EIF2AK2: variants seen among roughly 807,000 people sequenced by gnomAD.
The protein encoded by EIF2AK2 is interferon-induced, double-stranded RNA-activated protein kinase.
A neutral mutation model predicts 70.5 loss-of-function variants in EIF2AK2; 40 were observed. That is an observed-to-expected ratio of 0.57 (90% CI 0.44 to 0.74). The LOEUF (loss-of-function observed/expected upper bound fraction) is 0.74. Ranked by LOEUF, EIF2AK2 falls within the 30% of genes least tolerant of loss-of-function variation. EIF2AK2 has a pLI of 0.00. For synonymous variants in EIF2AK2, 198 were observed against 220.9 expected (o/e 0.90, Z 0.92); for missense variants, 555 against 644.3 (o/e 0.86, Z 1.50).
intron 1 of EIF2AK2, among the ~76,000 whole-genome samples, chr2:37,152,580 C>T (rs146364771): frequency 5.3e-5 from 8 of 152,134 alleles, no homozygotes; most frequent in African/African-American, 2.4e-5. Flanking sequence ...CACGCCTGGC[C>T]GGGCCACTCT....
intron 14 of EIF2AK2, among the ~76,000 whole-genome samples, chr2:37,111,818 G>A (rs1342163377): frequency 7.6e-6 from 1 of 130,982 alleles, no homozygotes; most frequent in African/African-American, 2.9e-5. Context: ...AGCTATGATT[G>A]TGCCACTGTA....
rs984953208 is a variant in EIF2AK2 at position 37,123,402 on chromosome 2, G to A, written c.909-738C>T. ...CCACCTCAGTCTCCTGAGTAGCTGG[G>A]ACCACAGGAGCACACCACCACACCC... On this transcript the variant is annotated intron_variant, in intron 11 of 16. Coordinates refer to ENST00000233057, the MANE Select transcript of EIF2AK2 (RefSeq NM_001135651.3). 5.1e-4 allele frequency among the ~76,000 whole-genome samples: 77 copies of A among 151,750 alleles called. 1 individual carries two copies. Among genetic ancestry groups the A allele is most frequent in the Admixed American group, 1.3e-4 (2 of 15,228 alleles).
intron 10 of EIF2AK2, among the ~76,000 whole-genome samples, chr2:37,126,967 G>GAACAAAAAAAAAAAAAAA (rs1674753952): frequency 1.9e-5 from 1 of 52,158 alleles, no homozygotes; most frequent in Non-Finnish European, 3.4e-5. Context: ...CAAAAAAACA[G>GAACAAAAAAAAAAAAAAA]AAAAAAAAAA....
chr2:37,120,530 A>G (rs1674506285), intron 12 of EIF2AK2, among the ~76,000 whole-genome samples: 1 of 140,526 alleles, frequency 7.1e-6, no homozygotes, highest in African/African-American at 2.5e-5. Flanking sequence ...AAAAAAGAAA[A>G]AAAAAGAACC....
intron 11 of EIF2AK2, among the ~76,000 whole-genome samples, chr2:37,125,745 A>G (rs1558416524): frequency 6.6e-6 from 1 of 152,376 alleles, no homozygotes; most frequent in East Asian, 1.9e-4. Flanking sequence ...GATGAGCACA[A>G]TCAACCCATG....
intron 4 of EIF2AK2, among the ~76,000 whole-genome samples, chr2:37,144,174 A>AGCACAATG (rs1675439987): frequency 2.0e-5 from 3 of 152,216 alleles, no homozygotes; most frequent in Admixed American, 2.0e-4. Context: ...CCTGGGTTAC[A>AGCACAATG]GCACAATGCA....
chr2:37,126,223 T>C (rs925147607), intron 11 of EIF2AK2, 66 bp downstream of exon 11: 45 of 1,481,816 alleles, frequency 3.0e-5, no homozygotes, highest in Non-Finnish European at 5.4e-6. Context: ...GAGAGAAGCA[T>C]AAAAAAGAAT....
chr2:37,126,442 A>G (rs567555434), intron 10 of EIF2AK2, 31 bp from the exon 11 acceptor site: 2 of 1,595,728 alleles, frequency 1.3e-6, no homozygotes, highest in Middle Eastern at 1.7e-4. Context: ...TTATTTTGAC[A>G]TTTCATGCTC....
In EIF2AK2 at chr2:37,153,110, C is replaced by T. The variant is rs141434241; in HGVS notation, c.-184+3798G>A. 6.2e-5 allele frequency among the ~76,000 whole-genome samples: 9 copies of T among 145,664 alleles called. No homozygotes were observed. The East Asian group carries it at 2.0e-3, about 32-fold the overall frequency. On this transcript the variant is annotated intron_variant, in intron 1 of 16. Coordinates refer to ENST00000233057, the MANE Select transcript of EIF2AK2 (RefSeq NM_001135651.3). ...CAGCTACTTCAATTCCTTCTCTACC[C>T]TGCAACCATTGTGATTTTTTTTTTT...
intron 1 of EIF2AK2, 129 bp from the exon 2 acceptor site, chr2:37,149,152 C>A: frequency 1.0e-6 from 1 of 966,488 alleles, no homozygotes; most frequent in Non-Finnish European, 1.7e-6. Flanking sequence ...GACCTCGATG[C>A]CTCGATGAAG....
chr2:37,145,143 T>G (rs1346372604), intron 4 of EIF2AK2, among the ~76,000 whole-genome samples: 1 of 144,340 alleles, frequency 6.9e-6, no homozygotes, highest in Non-Finnish European at 1.5e-5. Flanking sequence ...TTTTGTGGGT[T>G]TTTTTTTTTT....
At position 37,141,573 on chromosome 2, in the gene EIF2AK2, C is replaced by T. The variant is rs140698756; in HGVS notation, c.369G>A (p.Ser123=). 3.3e-5 allele frequency: 53 copies of T among 1,613,690 alleles called. No individual in the cohort carries two copies. The highest frequency in any genetic ancestry group is 5.3e-5 in the African/African-American group (4 of 74,892). ...RLTVNYEQCA[S]GVHGPEGFHY... ...CTTACCCTTCTGGCCCATGCACCCC[C>T]GATGCACACTGTTCATAATTTACAG... Residue 123 remains serine (S), a synonymous_variant, in exon 5 of 17, where the codon TCG becomes TCA. Coordinates refer to ENST00000233057, the MANE Select transcript of EIF2AK2 (RefSeq NM_001135651.3).
intron 4 of EIF2AK2, among the ~76,000 whole-genome samples, chr2:37,144,462 T>C (rs1303473618): frequency 1.3e-5 from 2 of 152,094 alleles, no homozygotes; most frequent in African/African-American, 4.8e-5. Flanking sequence ...CACCTCCATG[T>C]ATGTTATTGC....
Position 37,138,597 on chromosome 2 carries a change from A to T in EIF2AK2, c.517-12T>A, listed in dbSNP as rs759581351. ...AGGTAGTCAGATTTCTGAAAGAAAA[A>T]GTATCCCTTAGTAGGCTTAAATACA... On this transcript the variant is annotated splice_polypyrimidine_tract_variant and intron_variant, in intron 6 of 16. Coordinates refer to ENST00000233057, the MANE Select transcript of EIF2AK2 (RefSeq NM_001135651.3). 1.2e-6 allele frequency: 2 copies of T among 1,612,746 alleles called. No homozygotes were observed. Among genetic ancestry groups the T allele is most frequent in the South Asian group, 2.2e-5 (2 of 91,022 alleles).
chr2:37,108,833 G>C (rs1346422134), intron 15 of EIF2AK2, among the ~76,000 whole-genome samples: 2 of 152,182 alleles, frequency 1.3e-5, no homozygotes, highest in Non-Finnish European at 2.9e-5. Context: ...GCCTCTCAAA[G>C]CTGGGATTAC....
At chr2:37,155,050 G>C (rs1675877387) in intron 1 of EIF2AK2, among the ~76,000 whole-genome samples, 3 of 151,750 alleles carry the variant, frequency 2.0e-5, no homozygotes, top group Admixed American at 6.6e-5. Flanking sequence ...CACTCCCCTG[G>C]TGATCACCTC....
chr2:37,141,671 T>A lies in EIF2AK2; in HGVS notation c.271A>T (p.Asn91Tyr). 6.2e-7 allele frequency: 1 copy of A among 1,613,514 alleles called. No individual in the cohort carries two copies. The highest frequency in any genetic ancestry group is 1.7e-5 in the Admixed American group (1 of 59,896). The change falls in exon 5 of 17, where the codon AAT becomes TAT. Residue 91 changes from asparagine to tyrosine, a missense_variant. Asn to Tyr is a moderately radical substitution (Grantham distance 143). Transcript: ENST00000233057. ...AVSPLLLTTT[N>Y]SSEGLSMGNY... ...CCCATGGATAATCCTTCTGAAGAATTCGTTGTTGTCAATAATAAAGGACTA... is the reference window on the plus strand; with the variant it reads ...CCCATGGATAATCCTTCTGAAGAATACGTTGTTGTCAATAATAAAGGACTA...
intron 5 of EIF2AK2, among the ~76,000 whole-genome samples, chr2:37,140,935 G>C (rs1368912081): frequency 6.6e-6 from 1 of 151,982 alleles, no homozygotes; most frequent in African/African-American, 2.4e-5. Flanking sequence ...ATACTCATTT[G>C]ATTTCTGCTT....
rs937469615 is a variant in EIF2AK2 at position 37,100,543 on chromosome 2, A to G, written c.*6730T>C. On this transcript the variant is annotated 3_prime_UTR_variant, in exon 17 of 17. Transcript: ENST00000233057. ...CTAGTTATTTAGAATTTAAGCCAAT[A>G]ATGTCACCATATAACTATCAACTGT... 2.0e-5 allele frequency: 3 copies of G among 152,244 alleles called. No individual in the cohort carries two copies. Among genetic ancestry groups the G allele is most frequent in the African/African-American group, 7.2e-5 (3 of 41,458 alleles). 9.4% of individuals were successfully genotyped at this position (152,244 alleles called of 1,614,324 possible).
Sources: allele counts gnomAD v4.1 joint callset (sites outside exome capture counted in the v4.1 genomes callset), GRCh38; gene constraint gnomAD v4.1.1; transcripts MANE v1.5; gene names NCBI Gene and HGNC (gene_info 2026-07-23, HGNC 2026-07-21).